NOTCH2NLR: variants seen among roughly 807,000 people sequenced by gnomAD.
The protein encoded by NOTCH2NLR is notch 2 N-terminal like R (pseudogene).
In NOTCH2NLR, 33 loss-of-function variants were observed where a neutral mutation model predicts 35.6. The observed-to-expected ratio is 0.93, with a 90% confidence interval of 0.70 to 1.24. NOTCH2NLR has a LOEUF of 1.24. Ranked by LOEUF, NOTCH2NLR falls within the 50% of genes most tolerant of loss-of-function variation. The pLI is 0.00. For synonymous variants in NOTCH2NLR, 103 were observed against 141.0 expected (o/e 0.73, Z 1.91); for missense variants, 276 against 362.2 (o/e 0.76, Z 1.93).
intron 2 of NOTCH2NLR, among the ~76,000 whole-genome samples, chr1:120,767,746 G>T (rs1651209739): frequency 8.6e-6 from 1 of 115,828 alleles, no homozygotes; most frequent in South Asian, 2.5e-4. Context: ...GTTTGCTTCA[G>T]ACTTTCAAAT....
rs1466208031 is a variant in NOTCH2NLR, at chr1:120,793,573, T to C, written c.751+77T>C. The C allele has an allele frequency of 3.7e-6, 4 of 1,087,768 alleles. No homozygotes were observed. In the South Asian group the frequency reaches 5.6e-5, roughly 15 times the overall value. 67.4% of individuals were successfully genotyped at this position (1,087,768 alleles called of 1,614,324 possible). A position where few individuals can be genotyped will look rare whatever the true frequency, so the allele number is the denominator to read the frequency against. ...AGGTAGTGGGTGTGGCTCAATTGCA[T>C]TTTTTAGGAAGCGCAAGGAAAAAGG... On this transcript the variant is annotated intron_variant, in intron 4 of 4. Coordinates refer to ENST00000624419, the Ensembl canonical transcript of NOTCH2NLR.
rs1650966398 is a variant in NOTCH2NLR at position 120,745,135 on chromosome 1, A to C, written c.74-18493A>C. ...ATCCTGTCTCCAAAAAAAAAAAAAC[A>C]AAAAAAAAACAAAAAAAAGTGGTAT... On this transcript the variant is annotated intron_variant, in intron 1 of 4. Coordinates refer to ENST00000624419, the Ensembl canonical transcript of NOTCH2NLR. Among the ~76,000 whole-genome samples the C allele has an allele frequency of 3.5e-5, 3 of 86,464 alleles. 1 individual carries two copies. In the East Asian group the frequency reaches 8.4e-4, roughly 24 times the overall value. 56.7% of individuals were successfully genotyped at this position (86,464 alleles called of 152,430 possible).
chr1:120,781,955 C>G (rs1314620162), intron 2 of NOTCH2NLR, among the ~76,000 whole-genome samples: 2 of 104,784 alleles, frequency 1.9e-5, no homozygotes, highest in African/African-American at 1.2e-4. Flanking sequence ...GAGACAATAG[C>G]TATCAAATGC....
intron 3 of NOTCH2NLR, among the ~76,000 whole-genome samples, chr1:120,788,087 C>A (rs1202911591): frequency 3.2e-5 from 2 of 62,754 alleles, no homozygotes; most frequent in Non-Finnish European, 5.4e-5. Flanking sequence ...ATTTGTAGTC[C>A]CGCCTGGATT....
In NOTCH2NLR at chr1:120,785,134, C is replaced by A. The variant is rs1467393795; in HGVS notation, c.316C>A (p.Pro106Thr). The change falls in exon 3 of 5, where the codon CCT becomes ACT. Residue 106 changes from proline (P) to threonine (T), a missense_variant. Physicochemically the swap from Pro to Thr is conservative, Grantham distance 38. Coordinates refer to ENST00000624419, the Ensembl canonical transcript of NOTCH2NLR. ...AGGAGAGGACTGCCAGTACTCGACA[C>A]CTCATCCATGCTTTGTGTCTCGACC... 3 of 1,446,436 alleles carry A rather than the reference C, an allele frequency of 2.1e-6. 1 individual carries two copies. In the African/African-American group the frequency reaches 7.8e-5, roughly 38 times the overall value. The allele number at this position is 1,446,436 out of a possible 1,614,324, so 89.6% of individuals were successfully genotyped here.
chr1:120,765,775 A>G (rs1205148481), intron 2 of NOTCH2NLR, among the ~76,000 whole-genome samples: 2 of 127,984 alleles, frequency 1.6e-5, no homozygotes, highest in African/African-American at 3.4e-5. Context: ...TGTGGCATGT[A>G]TACACGATGG....
Position 120,793,581 on chromosome 1 carries a change from G to T in NOTCH2NLR, c.751+85G>T. 1.9e-6 allele frequency: 2 copies of T among 1,029,604 alleles called. 1 individual carries two copies. The highest frequency in any genetic ancestry group is 2.8e-6 in the Non-Finnish European group (2 of 720,850). The allele number at this position is 1,029,604 out of a possible 1,614,324, so 63.8% of individuals were successfully genotyped here. A position where few individuals can be genotyped will look rare whatever the true frequency, so the allele number is the denominator to read the frequency against. ...GGTGTGGCTCAATTGCATTTTTTAG[G>T]AAGCGCAAGGAAAAAGGGAAGTGAG... is the stretch of plus-strand genomic sequence containing the variant. On this transcript the variant is annotated intron_variant, in intron 4 of 4. Transcript: ENST00000624419.
Position 120,785,284 on chromosome 1 carries a change from T to C in NOTCH2NLR, c.415+51T>C. 1.5e-5 allele frequency: 21 copies of C among 1,387,802 alleles called. 4 individuals are homozygous for C. The highest frequency in any genetic ancestry group is 2.0e-5 in the Non-Finnish European group (21 of 1,031,082). The allele number at this position is 1,387,802 out of a possible 1,614,324, so 86.0% of individuals were successfully genotyped here. On this transcript the variant is annotated intron_variant, in intron 3 of 4. Coordinates refer to ENST00000624419, the Ensembl canonical transcript of NOTCH2NLR. ...CTTCCCTACCTTCAGCAGATACCTT[T>C]ATTTAGCATCTTTTAGATCATGGTG... is the stretch of plus-strand genomic sequence containing the variant.
chr1:120,793,572 A>G, intron 4 of NOTCH2NLR, 76 bp downstream of exon 4: 1 of 1,091,100 alleles, frequency 9.2e-7, no homozygotes, highest in South Asian at 1.4e-5. Context: ...GCTCAATTGC[A>G]TTTTTTAGGA....
At position 120,785,171 on chromosome 1, in the gene NOTCH2NLR, G is replaced by A; in HGVS notation, c.353G>A (p.Gly118Asp). The stretch of plus-strand genomic sequence containing the variant: ...TTTGTGTCTCGACCTTGCCTGAATG[G>A]CGGCACATGCCATATGCTCAGCCGG... Residue 118 changes from glycine to aspartate, a missense_variant, in exon 3 of 5, where the codon GGC (glycine) becomes GAC (aspartate). Transcript: ENST00000624419. 6 of 1,445,982 alleles carry A rather than the reference G, an allele frequency of 4.1e-6. 2 individuals carry two copies. The South Asian group carries it at 7.2e-5, about 17-fold the overall frequency. 89.6% of individuals were successfully genotyped at this position (1,445,982 alleles called of 1,614,324 possible). A position where few individuals can be genotyped will look rare whatever the true frequency, so the allele number is the denominator to read the frequency against.
chr1:120,728,610 T>C (rs1448966398), intron 1 of NOTCH2NLR, among the ~76,000 whole-genome samples: 1 of 117,772 alleles, frequency 8.5e-6, no homozygotes, highest in Non-Finnish European at 1.6e-5. Context: ...CAGCAATTTC[T>C]GTTATTTTGT....
rs1234870438 is a variant in NOTCH2NLR at position 120,781,951 on chromosome 1, A to G, written c.156-3023A>G. On this transcript the variant is annotated intron_variant, in intron 2 of 4. Transcript: ENST00000624419. The stretch of plus-strand genomic sequence containing the variant: ...ACTGGAGCGAGTAATACAAGAGACA[A>G]TAGCTATCAAATGCTTAGCAAATAT... Among the ~76,000 whole-genome samples the G allele has an allele frequency of 1.1e-3, 112 of 106,212 alleles. 24 individuals carry two copies. The highest frequency in any genetic ancestry group is 2.6e-3 in the Admixed American group (28 of 10,896). The allele number at this position is 106,212 out of a possible 152,430, so 69.7% of individuals were successfully genotyped here.
rs2101409022 is a variant in NOTCH2NLR, at chr1:120,763,636, T to C, written c.82T>C (p.Cys28Arg). The stretch of plus-strand genomic sequence containing the variant: ...TTTGTTTTTATTTTTAGCATTGCAG[T>C]GTCGAGATGGCTATGAACCCTGTGT... The change falls in exon 2 of 5, where the codon TGT (cysteine) becomes CGT (arginine). Residue 28 changes from cysteine to arginine, a missense_variant. Coordinates refer to ENST00000624419, the Ensembl canonical transcript of NOTCH2NLR. 6 of 1,385,692 alleles carry C rather than the reference T, an allele frequency of 4.3e-6. 1 individual carries two copies. The East Asian group carries it at 1.2e-4, about 27-fold the overall frequency. 85.8% of individuals were successfully genotyped at this position (1,385,692 alleles called of 1,614,324 possible). A position where few individuals can be genotyped will look rare whatever the true frequency, so the allele number is the denominator to read the frequency against.
At chr1:120,765,160 TG>T (rs1376513131) in intron 2 of NOTCH2NLR, among the ~76,000 whole-genome samples, 1 of 121,262 alleles carries the variant, frequency 8.2e-6, no homozygotes, top group South Asian at 2.4e-4. Flanking sequence ...TTTTTCTAGC[TG>T]GGGGAAAAAA....
In NOTCH2NLR at chr1:120,767,647, GAGATA is replaced by G. The variant is rs1399713043; in HGVS notation, c.155+3944_155+3948del. On this transcript the variant is annotated intron_variant, in intron 2 of 4. Transcript: ENST00000624419. Reference sequence around the variant, plus strand: ...CTTAATAAAGCCCTCTCACTACAGGGAGATAAGATATTTTATTCTTTCCCTTGTCC... The same window carrying G: ...CTTAATAAAGCCCTCTCACTACAGGGAGATATTTTATTCTTTCCCTTGTCC... Among the ~76,000 whole-genome samples the G allele has an allele frequency of 2.0e-5, 2 of 97,984 alleles. 1 individual carries two copies. The highest frequency in any genetic ancestry group is 3.7e-5 in the Non-Finnish European group (2 of 54,052). The allele number at this position is 97,984 out of a possible 152,430, so 64.3% of individuals were successfully genotyped here.
chr1:120,724,488 G>A (rs1485397533), intron 1 of NOTCH2NLR, among the ~76,000 whole-genome samples: 1 of 121,266 alleles, frequency 8.2e-6, no homozygotes, highest in East Asian at 2.1e-4. Flanking sequence ...CCCCTCACAC[G>A]CCTCCTCGGC....
downstream of NOTCH2NLR, among the ~76,000 whole-genome samples, chr1:120,794,440 AAAG>A (rs1651534739): frequency 2.6e-5 from 3 of 116,268 alleles, 1 homozygote; most frequent in South Asian, 7.4e-4. Context: ...TACAAAAACA[AAAG>A]AAGGAAAACT....
rs1333426207 is a variant in NOTCH2NLR at position 120,749,717 on chromosome 1, T to C, written c.74-13911T>C. Among the ~76,000 whole-genome samples the C allele has an allele frequency of 1.8e-4, 4 of 22,840 alleles. 2 individuals carry two copies. Among genetic ancestry groups the C allele is most frequent in the Non-Finnish European group, 2.9e-4 (4 of 13,676 alleles). 15.0% of individuals were successfully genotyped at this position (22,840 alleles called of 152,430 possible). On this transcript the variant is annotated intron_variant, in intron 1 of 4. Coordinates refer to ENST00000624419, the Ensembl canonical transcript of NOTCH2NLR. Reference sequence around the variant, plus strand: ...TTTACAAAGAAAAAATTCTAAACAATTTCAGTCATAGGGTAGTTTTTTTTT... The same window carrying C: ...TTTACAAAGAAAAAATTCTAAACAACTTCAGTCATAGGGTAGTTTTTTTTT...
chr1:120,790,266 G>A lies in NOTCH2NLR; in HGVS notation c.416-2895G>A, dbSNP rs1452311781. ...CCTGACCTCATGATCCACCCGCCTC[G>A]GCCTCCCAAAGTGCTGGGATTACAG... On this transcript the variant is annotated intron_variant, in intron 3 of 4. Transcript: ENST00000624419. Among the ~76,000 whole-genome samples the A allele has an allele frequency of 3.2e-4, 35 of 108,352 alleles. 10 individuals carry two copies. The East Asian group carries it at 4.5e-3, about 14-fold the overall frequency. The allele number at this position is 108,352 out of a possible 152,430, so 71.1% of individuals were successfully genotyped here.
Sources: gnomAD v4.1 joint callset for allele counts (sites outside exome capture counted in the v4.1 genomes callset) on GRCh38, gnomAD v4.1.1 for gene constraint, MANE v1.5 for transcripts, NCBI Gene and HGNC (gene_info 2026-07-23, HGNC 2026-07-21) for gene names.